The following CAPN15 variants were observed in gnomAD, a reference collection of about 807,000 sequenced individuals.
CAPN15 encodes the protein calpain-15.
In CAPN15, 53 loss-of-function variants were observed where a neutral mutation model predicts 97.9. The ratio of observed to expected loss-of-function variants is 0.54; its 90% CI spans 0.43 to 0.68. The LOEUF (loss-of-function observed/expected upper bound fraction) is 0.68, where lower values mean the gene tolerates loss of function less well. Ranked by LOEUF, CAPN15 falls within the 30% of genes least tolerant of loss-of-function variation. The pLI is 0.00. For missense variants in CAPN15, 1,592 were observed against 1,589.8 expected (o/e 1.00, Z -0.02); for synonymous variants, 922 against 722.5 (o/e 1.28, Z -4.43).
chr16:553,046 GC>G lies in CAPN15; in HGVS notation c.3083+10del, dbSNP rs774964608. 18 of 1,375,518 alleles carry G rather than the reference GC, an allele frequency of 1.3e-5. No individual in the cohort carries two copies. The highest frequency in any genetic ancestry group is 6.7e-6 in the Non-Finnish European group (7 of 1,040,112). 85.2% of individuals were successfully genotyped at this position (1,375,518 alleles called of 1,614,324 possible). ...TAGCGTGCCACCCCTGCACAGGTGC[GC>G]CCCCGCCCCTGCCCCCCCACCCCTG... On this transcript the variant is annotated splice_donor_region_variant and intron_variant, in intron 13 of 13. Transcript: ENST00000219611.
intron 3 of CAPN15, chr16:537,107 G>A: frequency 1.0e-6 from 1 of 984,410 alleles, no homozygotes; most frequent in Non-Finnish European, 1.2e-6. Context: ...CAGCCTCTGT[G>A]ACAGGGACGT....
At chr16:532,783 G>T (rs1253424193) in intron 1 of CAPN15, among the ~76,000 whole-genome samples, 2 of 151,114 alleles carry the variant, frequency 1.3e-5, no homozygotes, top group Non-Finnish European at 3.0e-5. Flanking sequence ...AACCCAGGAG[G>T]TGGAGCTTGC....
In CAPN15 at chr16:547,706, C is replaced by T. The variant is rs2034693274; in HGVS notation, c.868C>T (p.Leu290=). ...TGGGGCCTCCCGCCTAGCAGAGTTGCTGTCTGGCAAGCGGCTGAGTGTGCT... is the reference window on the plus strand; with the variant it reads ...TGGGGCCTCCCGCCTAGCAGAGTTGTTGTCTGGCAAGCGGCTGAGTGTGCT... ...WAGASRLAEL[L]SGKRLSVLEE... is the part of the protein sequence containing the mutation. The change falls in exon 4 of 14, where the codon CTG becomes TTG. Residue 290 remains leucine (L), a synonymous_variant. Coordinates refer to ENST00000219611, the MANE Select transcript of CAPN15 (RefSeq NM_005632.3). The T allele has an allele frequency of 3.8e-6, 6 of 1,598,892 alleles. No homozygotes were observed. The highest frequency in any genetic ancestry group is 2.2e-5 in the East Asian group (1 of 44,534).
chr16:530,597 C>G (rs1048416391), intron 1 of CAPN15, among the ~76,000 whole-genome samples: 1 of 152,222 alleles, frequency 6.6e-6, no homozygotes, highest in Non-Finnish European at 1.5e-5. Context: ...CACCCTGTCA[C>G]TATGTGGGTC....
Position 552,516 on chromosome 16 carries a change from C to T in CAPN15, c.2723C>T (p.Thr908Ile). ...CACTGGGGGCCGCCCCTGCCGGGCACCCCTGCCCCCCAGGGTACGTGGCCC... is the reference window on the plus strand; with the variant it reads ...CACTGGGGGCCGCCCCTGCCGGGCATCCCTGCCCCCCAGGGTACGTGGCCC... ...FNHWGPPLPG[T>I]PAPQASSPSA... The change falls in exon 11 of 14, where the codon ACC (threonine) becomes ATC (isoleucine). Residue 908 changes from threonine to isoleucine, a missense_variant. Physicochemically the swap from Thr to Ile is moderately conservative, Grantham distance 89. Transcript: ENST00000219611. This position sits in a 1 kb window ranked among gnomAD's most constrained non-coding sequence, Gnocchi z 6.4. The T allele has an allele frequency of 6.2e-7, 1 of 1,602,286 alleles. No homozygotes were observed. The highest frequency in any genetic ancestry group is 1.1e-5 in the South Asian group (1 of 90,780).
At chr16:539,048 A>G (rs1401600288) in intron 3 of CAPN15, 1 of 151,772 alleles carries the variant, frequency 6.6e-6, no homozygotes, top group Non-Finnish European at 1.5e-5. Context: ...ACAGGTGCAC[A>G]CCACCACACC....
Position 551,609 on chromosome 16 carries a change from A to G in CAPN15, c.2290A>G (p.Met764Val). The G allele has an allele frequency of 6.2e-7, 1 of 1,607,416 alleles. No individual in the cohort carries two copies. Among genetic ancestry groups the G allele is most frequent in the Non-Finnish European group, 8.5e-7 (1 of 1,178,624 alleles). ...HWPGHLRGEL[M>V]PHGSSEGVFW... ...GCCGGGGCACCTGCGTGGCGAGCTC[A>G]TGCCGCACGGCAGCAGTGAGGGTGT... The change falls in exon 9 of 14, where the codon ATG becomes GTG. Residue 764 changes from methionine (M) to valine (V), a missense_variant. Transcript: ENST00000219611.
chr16:528,679 CG>C (rs1376579529), intron 1 of CAPN15: 1 of 982,550 alleles, frequency 1.0e-6, no homozygotes. Context: ...GGCGAGCTCT[CG>C]GGGCCCCCTT....
chr16:534,896 C>A (rs1041439937), intron 2 of CAPN15, among the ~76,000 whole-genome samples: 3 of 152,076 alleles, frequency 2.0e-5, no homozygotes, highest in Admixed American at 6.5e-5. Context: ...GAAAGATTGA[C>A]GGAGATGTAG....
Position 547,813 on chromosome 16 carries a change from C to A in CAPN15, c.975C>A (p.Ala325=), listed in dbSNP as rs368104868. Residue 325 remains alanine, a synonymous_variant, in exon 4 of 14, where the codon GCC becomes GCA. Transcript: ENST00000219611. ...CGGGCAGTGACATCATTGACCTGGC[C>A]GGAGACACCGTGCGTTACACGCCCG... ...STSGSDIIDL[A]GDTVRYTPAS... 20 of 1,611,800 alleles carry A rather than the reference C, an allele frequency of 1.2e-5. No homozygotes were observed. The highest frequency in any genetic ancestry group is 1.6e-5 in the Non-Finnish European group (19 of 1,179,614).
intron 1 of CAPN15, among the ~76,000 whole-genome samples, chr16:530,054 T>C (rs2033140009): frequency 1.3e-5 from 2 of 152,328 alleles, no homozygotes; most frequent in East Asian, 1.9e-4. Context: ...TCCGCATCCC[T>C]CGTACCCACT....
In CAPN15 at chr16:552,801, T is replaced by C. The variant is rs1251273391; in HGVS notation, c.2904+30T>C. The C allele has an allele frequency of 1.3e-5, 19 of 1,504,450 alleles. No homozygotes were observed. The highest frequency in any genetic ancestry group is 4.4e-4 in the Middle Eastern group (2 of 4,526). The allele number at this position is 1,504,450 out of a possible 1,614,324, so 93.2% of individuals were successfully genotyped here. ...GTGGGGGTCCCGGGGGAGGGTGGCGTGGGGCAGGGGGAGTATGCCCCAGCA... is the reference window on the plus strand; with the variant it reads ...GTGGGGGTCCCGGGGGAGGGTGGCGCGGGGCAGGGGGAGTATGCCCCAGCA... On this transcript the variant is annotated intron_variant, in intron 12 of 13. Transcript: ENST00000219611. The surrounding 1 kb of genome is among the most constrained non-coding windows in gnomAD (Gnocchi z 6.4).
chr16:550,063 G>A (rs1002605339), intron 7 of CAPN15, among the ~76,000 whole-genome samples: 24 of 151,448 alleles, frequency 1.6e-4, no homozygotes, highest in Admixed American at 2.0e-4. Flanking sequence ...TGGCCAGGCC[G>A]TGGGGCGAGA....
chr16:548,258 T>C lies in CAPN15; in HGVS notation c.1420T>C (p.Trp474Arg). ...QTDEGEAKAL[W>R]ENIVAFCREN... The stretch of plus-strand genomic sequence containing the variant: ...AGACGAGGGCGAGGCCAAGGCACTC[T>C]GGGAGAACATCGTGGCCTTCTGCCG... Residue 474 changes from tryptophan to arginine, a missense_variant, in exon 4 of 14, where the codon TGG (tryptophan) becomes CGG (arginine). Physicochemically the swap from Trp to Arg is moderately radical, Grantham distance 101. Coordinates refer to ENST00000219611, the MANE Select transcript of CAPN15 (RefSeq NM_005632.3). 6.5e-7 allele frequency: 1 copy of C among 1,537,364 alleles called. No individual in the cohort carries two copies. Among genetic ancestry groups the C allele is most frequent in the South Asian group, 1.2e-5 (1 of 82,394 alleles).
Position 548,172 on chromosome 16 carries a change from G to T in CAPN15, c.1334G>T (p.Arg445Leu). ...CHTPQLLVAQ[R>L]RGAAPLRRRE... is the part of the protein sequence containing the mutation. Reference sequence around the variant, plus strand: ...ACGCCTCAGCTCCTGGTGGCCCAGCGGCGGGGGGCCGCGCCCCTGAGGCGC... The same window carrying T: ...ACGCCTCAGCTCCTGGTGGCCCAGCTGCGGGGGGCCGCGCCCCTGAGGCGC... Residue 445 changes from arginine to leucine, a missense_variant, in exon 4 of 14, where the codon CGG (arginine) becomes CTG (leucine). By Grantham distance (102) the Arg-to-Leu change is moderately radical. Around this residue, in one of 3 missense-constraint regions of CAPN15, gnomAD observed 883 missense variants for 776.6 expected, o/e 1.14. Transcript: ENST00000219611. 1 of 1,531,122 alleles carries T rather than the reference G, an allele frequency of 6.5e-7. No homozygotes were observed. The highest frequency in any genetic ancestry group is 1.2e-5 in the South Asian group (1 of 81,672). 94.8% of individuals were successfully genotyped at this position (1,531,122 alleles called of 1,614,324 possible).
chr16:540,041 C>T (rs2034004779), intron 3 of CAPN15: 1 of 976,724 alleles, frequency 1.0e-6, no homozygotes, highest in Non-Finnish European at 1.2e-6. Context: ...GCTGTTTCTT[C>T]TCTATTTTCT....
At position 549,271 on chromosome 16, in the gene CAPN15, C is replaced by T. The variant is rs1224232412; in HGVS notation, c.1659-17C>T. 5.1e-6 allele frequency: 8 copies of T among 1,573,466 alleles called. No homozygotes were observed. The highest frequency in any genetic ancestry group is 6.9e-6 in the Non-Finnish European group (8 of 1,166,628). On this transcript the variant is annotated splice_polypyrimidine_tract_variant and intron_variant, in intron 5 of 13. Transcript: ENST00000219611. ...CCGGCCGCGGTCCCCGCGAGGTCAC[C>T]CTGAGGCTCTGCGCAGGTTCCTGAG...
rs2034712136 is a variant in CAPN15 at position 547,910 on chromosome 16, C to A, written c.1072C>A (p.Pro358Thr). 1 of 1,609,336 alleles carries A rather than the reference C, an allele frequency of 6.2e-7. No homozygotes were observed. The highest frequency in any genetic ancestry group is 2.2e-5 in the East Asian group (1 of 44,668). The change falls in exon 4 of 14, where the codon CCC (proline) becomes ACC (threonine). Residue 358 changes from proline (P) to threonine (T), a missense_variant. By Grantham distance (38) the Pro-to-Thr change is conservative. Transcript: ENST00000219611. ...KCTLRNPTVA[P>T]RCSACGCSKL... ...CACGCTCAGAAACCCCACAGTGGCCCCCAGGTGCTCGGCCTGCGGCTGCTC... is the reference window on the plus strand; with the variant it reads ...CACGCTCAGAAACCCCACAGTGGCCACCAGGTGCTCGGCCTGCGGCTGCTC...
intron 1 of CAPN15, among the ~76,000 whole-genome samples, chr16:530,619 G>A (rs1055294148): frequency 4.6e-5 from 7 of 152,198 alleles, no homozygotes; most frequent in Non-Finnish European, 1.0e-4. Context: ...CACACAGCTG[G>A]GTGGAGACCT....
Sources: gnomAD v4.1 joint callset for allele counts (sites outside exome capture counted in the v4.1 genomes callset) on GRCh38, gnomAD v4.1.1 for gene constraint, gnomAD v4.1.1 regional missense constraint, Gnocchi (gnomAD v3.1) non-coding constraint, MANE v1.5 for transcripts, NCBI Gene and HGNC (gene_info 2026-07-23, HGNC 2026-07-21) for gene names.